TMPRSS12: variants seen among roughly 807,000 people sequenced by gnomAD.
TMPRSS12 encodes transmembrane protease serine 12.
A neutral mutation model predicts 26.0 loss-of-function variants in TMPRSS12; 25 were observed. The ratio of observed to expected loss-of-function variants is 0.96; its 90% confidence interval spans 0.70 to 1.34. The LOEUF is 1.34. TMPRSS12 is among the 40% of genes most tolerant of loss of function. The pLI, the probability that TMPRSS12 is intolerant of heterozygous loss-of-function variation, is 0.00. For missense variants in TMPRSS12, 441 were observed against 440.1 expected, an observed-to-expected ratio of 1.00 and a Z score of -0.02; for synonymous variants, 150 against 161.7, an observed-to-expected ratio of 0.93 and a Z score of 0.55.
At chr12:50,848,023 G>A (rs1937789534) in intron 2 of TMPRSS12, 1 of 151,908 alleles carries the variant, frequency 6.6e-6, no homozygotes, top group African/African-American at 2.4e-5. Flanking sequence ...TTAGTTATTA[G>A]TGTCTAGTTT....
chr12:50,883,165 C>CA (rs1349917881), intron 3 of TMPRSS12, among the ~76,000 whole-genome samples: 14 of 151,514 alleles, frequency 9.2e-5, no homozygotes, highest in Non-Finnish European at 1.6e-4. Context: ...ACTGTTGCTA[C>CA]AAAAAAAACC....
At position 50,872,630 on chromosome 12, in the gene TMPRSS12, T is replaced by TATATATGACGTATATGTAC. The variant is rs201972203; in HGVS notation, c.653-12590_653-12572dup. ...CATATATATGACGTATATATGTACA[T>TATATATGACGTATATGTAC]ATATATGACGTATATGTACATATAT... On this transcript the variant is annotated intron_variant, in intron 3 of 4. Transcript: ENST00000398458. 1.6e-4 allele frequency among the ~76,000 whole-genome samples: 15 copies of TATATATGACGTATATGTAC among 96,608 alleles called. 1 individual carries two copies. Among genetic ancestry groups the TATATATGACGTATATGTAC allele is most frequent in the African/African-American group, 4.6e-4 (13 of 28,196 alleles). 63.4% of individuals were successfully genotyped at this position (96,608 alleles called of 152,430 possible). A position where few individuals can be genotyped will look rare whatever the true frequency, so the allele number is the denominator to read the frequency against.
intron 3 of TMPRSS12, among the ~76,000 whole-genome samples, chr12:50,877,581 T>G (rs1938124339): frequency 6.6e-6 from 1 of 152,152 alleles, no homozygotes; most frequent in Non-Finnish European, 1.5e-5. Context: ...AGAACACAAT[T>G]CCATTCATAA....
At chr12:50,872,187 A>G (rs1173542165) in intron 3 of TMPRSS12, among the ~76,000 whole-genome samples, 1 of 152,186 alleles carries the variant, frequency 6.6e-6, no homozygotes, top group East Asian at 1.9e-4. Context: ...TCGTGGAACC[A>G]ACCCAAATGC....
intron 3 of TMPRSS12, among the ~76,000 whole-genome samples, chr12:50,863,418 C>G (rs1937957266): frequency 6.6e-6 from 1 of 151,704 alleles, no homozygotes; most frequent in South Asian, 2.1e-4. Context: ...GCAATTGTAC[C>G]CCTAGATATT....
chr12:50,846,546 C>A (rs961278279), intron 2 of TMPRSS12, among the ~76,000 whole-genome samples: 1 of 151,642 alleles, frequency 6.6e-6, no homozygotes, highest in African/African-American at 2.4e-5. Flanking sequence ...TAGTATGGAT[C>A]TATAGTAAGT....
intron 3 of TMPRSS12, among the ~76,000 whole-genome samples, chr12:50,875,274 G>T (rs1027375503): frequency 2.6e-5 from 4 of 152,034 alleles, no homozygotes; most frequent in Admixed American, 2.0e-4. Context: ...CGGATCACTT[G>T]TGGTCAGGAG....
intron 3 of TMPRSS12, among the ~76,000 whole-genome samples, chr12:50,872,802 G>GTACATATATAGACGTCTATATA: frequency 8.2e-6 from 1 of 122,458 alleles, no homozygotes; most frequent in African/African-American, 3.1e-5. Context: ...ACGTATATAT[G>GTACATATATAGACGTCTATATA]TACATATATA....
Position 50,885,401 on chromosome 12 carries a change from A to G in TMPRSS12, c.795+13A>G, listed in dbSNP as rs746517747. 4.3e-6 allele frequency: 7 copies of G among 1,613,734 alleles called. No individual in the cohort carries two copies. Among genetic ancestry groups the G allele is most frequent in the Non-Finnish European group, 5.1e-6 (6 of 1,179,830 alleles). Reference sequence around the variant, plus strand: ...TGATACTTGCAGGGTAAGACCAAGTAATTTTCCTTTAAAATATTTTCTGAA... The same window carrying G: ...TGATACTTGCAGGGTAAGACCAAGTGATTTTCCTTTAAAATATTTTCTGAA... On this transcript the variant is annotated intron_variant, in intron 4 of 4. Transcript: ENST00000398458.
intron 3 of TMPRSS12, among the ~76,000 whole-genome samples, chr12:50,859,854 C>T (rs1400787426): frequency 2.0e-5 from 3 of 152,168 alleles, no homozygotes; most frequent in African/African-American, 4.8e-5. Flanking sequence ...AATTGCCTAA[C>T]GATGTATTTC....
Position 50,843,976 on chromosome 12 carries a change from G to C in TMPRSS12, c.322G>C (p.Gly108Arg). The stretch of plus-strand genomic sequence containing the variant: ...TGGCCGTGTTCTTGTTCATGTATGT[G>C]GGGGAACCCTAGTGAGAGAGAGGTG... ...KYGRVLVHVC[G>R]GTLVRERWVL... is the part of the protein sequence containing the mutation. Residue 108 changes from glycine (G) to arginine (R), a missense_variant, in exon 2 of 5, where the codon GGG becomes CGG. By Grantham distance (125) the Gly-to-Arg change is moderately radical (BLOSUM62 -2). Coordinates refer to ENST00000398458, the MANE Select transcript of TMPRSS12 (RefSeq NM_182559.3). 1 of 1,607,626 alleles carries C rather than the reference G, an allele frequency of 6.2e-7. No homozygotes were observed. The highest frequency in any genetic ancestry group is 1.1e-5 in the South Asian group (1 of 89,712).
In TMPRSS12 at chr12:50,843,644, C is replaced by G. The variant is rs74092235; in HGVS notation, c.188-198C>G. Among the ~76,000 whole-genome samples, 1,027 of 152,138 alleles carry G rather than the reference C, an allele frequency of 6.8e-3. 17 individuals carry two copies. Among genetic ancestry groups the G allele is most frequent in the African/African-American group, 0.023 (954 of 41,490 alleles). On this transcript the variant is annotated intron_variant, in intron 1 of 4. Transcript: ENST00000398458. ...TTAATGAATTGTGTTGACTTCATGT[C>G]TATTTGTAAGTAATCGATTATGGCA...
At chr12:50,874,799 C>T (rs764822754) in intron 3 of TMPRSS12, among the ~76,000 whole-genome samples, 17 of 151,802 alleles carry the variant, frequency 1.1e-4, no homozygotes, top group Non-Finnish European at 1.3e-4. Flanking sequence ...ATCAAGAATG[C>T]GATGTCATTT....
intron 3 of TMPRSS12, among the ~76,000 whole-genome samples, chr12:50,872,213 T>C (rs990387663): frequency 6.6e-6 from 1 of 152,140 alleles, no homozygotes; most frequent in African/African-American, 2.4e-5. Context: ...AATCAACTAG[T>C]GGTTAAAGAA....
Position 50,887,680 on chromosome 12 carries a change from G to A in TMPRSS12, c.*167G>A. On this transcript the variant is annotated 3_prime_UTR_variant, in exon 5 of 5. Transcript: ENST00000398458. Reference sequence around the variant, plus strand: ...TGACAGATATACAATTGTAATTTTGGCACTGAATCACATGTCTCCTTGAAA... The same window carrying A: ...TGACAGATATACAATTGTAATTTTGACACTGAATCACATGTCTCCTTGAAA... 1 of 756,942 alleles carries A rather than the reference G, an allele frequency of 1.3e-6. No individual in the cohort carries two copies. Among genetic ancestry groups the A allele is most frequent in the Non-Finnish European group, 2.0e-6 (1 of 497,592 alleles). 46.9% of individuals were successfully genotyped at this position (756,942 alleles called of 1,614,324 possible).
chr12:50,858,799 G>A lies in TMPRSS12; in HGVS notation c.398G>A (p.Trp133Ter). Reference sequence around the variant, plus strand: ...CTTTCTTTCAGCGATCCTTTAATGTGGACAGCTGTGATTGGAACTAATAAT... The same window carrying A: ...CTTTCTTTCAGCGATCCTTTAATGTAGACAGCTGTGATTGGAACTAATAAT... ...CTKDASDPLM[W>*]TAVIGTNNIH... The change falls in exon 3 of 5, where the codon TGG becomes TAG. Residue 133 changes from tryptophan to a stop codon, truncating the protein, a stop_gained. Transcript: ENST00000398458. LOFTEE classifies it high-confidence loss of function. 1 of 1,583,652 alleles carries A rather than the reference G, an allele frequency of 6.3e-7. No individual in the cohort carries two copies. The highest frequency in any genetic ancestry group is 8.6e-7 in the Non-Finnish European group (1 of 1,168,320).
Position 50,868,995 on chromosome 12 carries a change from G to A in TMPRSS12, c.652+9942G>A, listed in dbSNP as rs562601001. 3.9e-5 allele frequency among the ~76,000 whole-genome samples: 6 copies of A among 152,098 alleles called. No individual in the cohort carries two copies. In the South Asian group the frequency reaches 1.2e-3, roughly 32 times the overall value. On this transcript the variant is annotated intron_variant, in intron 3 of 4. Coordinates refer to ENST00000398458, the MANE Select transcript of TMPRSS12 (RefSeq NM_182559.3). ...ATCAAAACCTCTGAAATACAGCAAA[G>A]GTGGTGCTAAGAGGAAAGTTCATAA...
chr12:50,885,726 G>T, intron 4 of TMPRSS12: 1 of 516,200 alleles, frequency 1.9e-6, no homozygotes, highest in Non-Finnish European at 3.4e-6. Flanking sequence ...CACAATCTCT[G>T]TTCACTGCAA....
At chr12:50,858,692 TA>T (rs1937904512) in intron 2 of TMPRSS12, 92 bp from the exon 3 acceptor site, 5 of 1,004,162 alleles carry the variant, frequency 5.0e-6, no homozygotes, top group Non-Finnish European at 6.7e-6. Flanking sequence ...AGTTTTTTAT[TA>T]ATCTAACATG....
Sources: allele counts gnomAD v4.1 joint callset (sites outside exome capture counted in the v4.1 genomes callset), GRCh38; gene constraint gnomAD v4.1.1; transcripts MANE v1.5; gene names NCBI Gene and HGNC (gene_info 2026-07-23, HGNC 2026-07-21).